The following MAML2 variants were observed in gnomAD, a reference collection of about 807,000 sequenced individuals.
The protein encoded by MAML2 is mastermind-like protein 2.
In MAML2, 22 loss-of-function variants were observed where a neutral mutation model predicts 96.1. That is an observed-to-expected ratio of 0.23 (90% CI 0.16 to 0.33). The LOEUF is 0.33. Ranked by LOEUF, MAML2 falls within the 10% of genes least tolerant of loss-of-function variation. MAML2 has a pLI of 1.00. For missense variants in MAML2, 1,367 were observed against 1,392.4 expected, an observed-to-expected ratio of 0.98 and a Z score of 0.29; for synonymous variants, 561 against 521.3, an observed-to-expected ratio of 1.08 and a Z score of -1.04.
intron 1 of MAML2, among the ~76,000 whole-genome samples, chr11:96,339,632 C>T (rs1203821504): frequency 6.6e-6 from 1 of 152,228 alleles, no homozygotes; most frequent in Non-Finnish European, 1.5e-5. Flanking sequence ...CCCAGAAACA[C>T]TTACCAGGAG....
intron 1 of MAML2, among the ~76,000 whole-genome samples, chr11:96,154,852 C>T (rs536339114): frequency 3.3e-5 from 5 of 152,284 alleles, no homozygotes; most frequent in Non-Finnish European, 4.4e-5. Flanking sequence ...GGTAAGATGT[C>T]CTGGAGGAAG....
chr11:96,166,158 C>G lies in MAML2; in HGVS notation c.514-72641G>C, dbSNP rs563608603. Reference sequence around the variant, plus strand: ...TCTGTCTCTCTCTCTCTGTCTGTCTCTCTCTCTCTCTCTCTCTCTCACACA... The same window carrying G: ...TCTGTCTCTCTCTCTCTGTCTGTCTGTCTCTCTCTCTCTCTCTCTCACACA... On this transcript the variant is annotated intron_variant, in intron 1 of 4. Coordinates refer to ENST00000524717, the MANE Select transcript of MAML2 (RefSeq NM_032427.4). Among the ~76,000 whole-genome samples, 863 of 92,392 alleles carry G rather than the reference C, an allele frequency of 9.3e-3. 9 individuals carry two copies. Among genetic ancestry groups the G allele is most frequent in the African/African-American group, 0.032 (822 of 25,908 alleles). The allele number at this position is 92,392 out of a possible 152,430, so 60.6% of individuals were successfully genotyped here.
chr11:95,988,524 A>C (rs1318105263), intron 3 of MAML2, among the ~76,000 whole-genome samples: 1 of 147,622 alleles, frequency 6.8e-6, no homozygotes. Flanking sequence ...ATTTATATAT[A>C]TATAATATTT....
intron 2 of MAML2, among the ~76,000 whole-genome samples, chr11:96,016,838 G>T (rs1445520772): frequency 6.6e-6 from 1 of 152,022 alleles, no homozygotes. Context: ...AGACTTTTTT[G>T]AATTTAGGAG....
rs542000659 is a variant in MAML2, at chr11:96,283,663, C to CATTT, written c.513+57716_513+57719dup. 1.1e-3 allele frequency among the ~76,000 whole-genome samples: 173 copies of CATTT among 152,306 alleles called. 1 individual carries two copies. Among genetic ancestry groups the CATTT allele is most frequent in the Non-Finnish European group, 1.8e-3 (125 of 68,014 alleles). ...GTCATGAACCCACTAGACCAACCAA[C>CATTT]ATTTGTCCTCTACGTTCTGAAGTCC... On this transcript the variant is annotated intron_variant, in intron 1 of 4. Coordinates refer to ENST00000524717, the MANE Select transcript of MAML2 (RefSeq NM_032427.4).
chr11:96,193,967 A>G (rs1174455532), intron 1 of MAML2, among the ~76,000 whole-genome samples: 1 of 152,126 alleles, frequency 6.6e-6, no homozygotes, highest in Non-Finnish European at 1.5e-5. Context: ...AGTGGAGAGG[A>G]TCCCAATCTC....
chr11:96,255,448 A>AC (rs1211040624), intron 1 of MAML2, among the ~76,000 whole-genome samples: 1 of 152,220 alleles, frequency 6.6e-6, no homozygotes, highest in Non-Finnish European at 1.5e-5. Context: ...GTTATGTCAA[A>AC]CACTGTTGAG....
Position 95,979,672 on chromosome 11 carries a change from G to A in MAML2, c.2747C>T (p.Pro916Leu), listed in dbSNP as rs2135698487. 6.2e-7 allele frequency: 1 copy of A among 1,613,914 alleles called. No individual in the cohort carries two copies. The highest frequency in any genetic ancestry group is 1.1e-5 in the South Asian group (1 of 91,078). Residue 916 changes from proline to leucine, a missense_variant, in exon 5 of 5, where the codon CCA becomes CTA. Pro to Leu is a moderately conservative substitution (Grantham distance 98). Coordinates refer to ENST00000524717, the MANE Select transcript of MAML2 (RefSeq NM_032427.4). Reference sequence around the variant, plus strand: ...AGTGGCTACATTGTTATTATTACTTGGCCCTAAGGTAGGTGGCCGTGGCAT... The same window carrying A: ...AGTGGCTACATTGTTATTATTACTTAGCCCTAAGGTAGGTGGCCGTGGCAT... ...PMMPRPPTLG[P>L]SNNNNVATFG...
At chr11:96,187,012 TC>T (rs35201241) in intron 1 of MAML2, among the ~76,000 whole-genome samples, 2 of 152,250 alleles carry the variant, frequency 1.3e-5, no homozygotes, top group African/African-American at 4.8e-5. Context: ...CCTAGAGGCT[TC>T]CTTGCTACTG....
chr11:95,990,082 G>T (rs778858103), intron 3 of MAML2, among the ~76,000 whole-genome samples: 14 of 152,030 alleles, frequency 9.2e-5, no homozygotes, highest in African/African-American at 3.4e-4. Flanking sequence ...ACTTCTTTGG[G>T]AGACTATCCT....
Position 95,979,348 on chromosome 11 carries a change from A to T in MAML2, c.3071T>A (p.Val1024Glu). Residue 1024 changes from valine to glutamate, a missense_variant, in exon 5 of 5, where the codon GTG becomes GAG. Transcript: ENST00000524717. ...VAPPNQLTPA[V>E]QMRPMNQMSQ... Reference sequence around the variant, plus strand: ...CATTTGGTTCATGGGTCTCATTTGCACTGCTGGTGTTAACTGGTTAGGAGG... The same window carrying T: ...CATTTGGTTCATGGGTCTCATTTGCTCTGCTGGTGTTAACTGGTTAGGAGG... The T allele has an allele frequency of 1.2e-6, 2 of 1,613,818 alleles. No homozygotes were observed. The highest frequency in any genetic ancestry group is 1.7e-6 in the Non-Finnish European group (2 of 1,179,856).
intron 1 of MAML2, among the ~76,000 whole-genome samples, chr11:96,285,993 T>C (rs988210673): frequency 8.5e-5 from 13 of 152,176 alleles, no homozygotes; most frequent in African/African-American, 2.9e-4. Flanking sequence ...CAAAGGAATA[T>C]AGATCATTCT....
chr11:96,233,359 GA>G (rs34031256), intron 1 of MAML2, among the ~76,000 whole-genome samples: 140,823 of 151,624 alleles, frequency 0.93, 65,594 homozygotes, highest in African/African-American at 0.97. Flanking sequence ...TTTATGTCAG[GA>G]AAAAAAACAG....
At position 96,049,723 on chromosome 11, in the gene MAML2, T is replaced by C. The variant is rs1335794650; in HGVS notation, c.2139+42169A>G. Among the ~76,000 whole-genome samples the C allele has an allele frequency of 3.3e-5, 5 of 152,318 alleles. No homozygotes were observed. The East Asian group carries it at 7.7e-4, about 23-fold the overall frequency. On this transcript the variant is annotated intron_variant, in intron 2 of 4. Coordinates refer to ENST00000524717, the MANE Select transcript of MAML2 (RefSeq NM_032427.4). ...CACAGTCCCTGGTATACAGTAAGAA[T>C]TTAATAAACAGAAACTACTATTATC...
At chr11:96,254,436 A>G (rs990342706) in intron 1 of MAML2, among the ~76,000 whole-genome samples, 1 of 150,466 alleles carries the variant, frequency 6.6e-6, no homozygotes, top group Non-Finnish European at 1.5e-5. Context: ...GTGGCTCTTA[A>G]TAGTAGGGCT....
intron 1 of MAML2, among the ~76,000 whole-genome samples, chr11:96,255,847 A>T: frequency 7.1e-6 from 1 of 140,282 alleles, no homozygotes; most frequent in Non-Finnish European, 1.6e-5. Context: ...TTTTGTGGAG[A>T]TAATTTCCCC....
intron 1 of MAML2, among the ~76,000 whole-genome samples, chr11:96,108,075 C>A (rs1262911668): frequency 2.0e-5 from 3 of 152,180 alleles, no homozygotes; most frequent in Admixed American, 2.0e-4. Flanking sequence ...CAGGTCACAA[C>A]CTAAGGCTTG....
At chr11:96,120,115 G>A (rs1483946906) in intron 1 of MAML2, among the ~76,000 whole-genome samples, 2 of 152,034 alleles carry the variant, frequency 1.3e-5, no homozygotes, top group African/African-American at 4.8e-5. Flanking sequence ...CTGCCAGCAC[G>A]CCCGGCTAAT....
intron 1 of MAML2, among the ~76,000 whole-genome samples, chr11:96,243,927 C>CA (rs1399098626): frequency 2.6e-5 from 4 of 152,142 alleles, no homozygotes; most frequent in African/African-American, 9.7e-5. Flanking sequence ...TGGCGTGAGC[C>CA]ACCGCGCCCG....
Sources: gnomAD v4.1 joint callset for allele counts (sites outside exome capture counted in the v4.1 genomes callset) on GRCh38, gnomAD v4.1.1 for gene constraint, MANE v1.5 for transcripts, NCBI Gene and HGNC (gene_info 2026-07-23, HGNC 2026-07-21) for gene names.